TSG101: variants seen among roughly 807,000 people sequenced by gnomAD.
TSG101 encodes tumor susceptibility 101.
A neutral mutation model predicts 48.5 loss-of-function variants in TSG101; 19 were observed. The observed-to-expected ratio is 0.39, with a 90% CI of 0.27 to 0.58. The LOEUF is 0.58. TSG101 is among the 20% of genes least tolerant of loss of function. TSG101 has a pLI of 0.55. For missense variants in TSG101, 365 were observed against 484.4 expected, an observed-to-expected ratio of 0.75 and a Z score of 2.31; for synonymous variants, 174 against 169.4, an observed-to-expected ratio of 1.03 and a Z score of -0.21.
chr11:18,506,979 G>A, intron 5 of TSG101, 56 bp from the exon 6 acceptor site: 1 of 1,426,180 alleles, frequency 7.0e-7, no homozygotes, highest in South Asian at 1.2e-5. Context: ...GAATATGTAG[G>A]CTACTGAATA....
intron 7 of TSG101, chr11:18,490,857 G>T: frequency 1.9e-6 from 1 of 534,794 alleles, no homozygotes; most frequent in South Asian, 1.5e-5. Context: ...GAGTATTCAT[G>T]CCTCGTTCTG....
rs1188177161 is a variant in TSG101, at chr11:18,526,765, G to C, written c.42+10C>G. The C allele has an allele frequency of 9.4e-6, 15 of 1,600,514 alleles. No homozygotes were observed. Among genetic ancestry groups the C allele is most frequent in the Non-Finnish European group, 1.2e-5 (14 of 1,179,248 alleles). ...GCGCGCCCTGGGAGGCGAGCGCGTC[G>C]CAGCCTCACCTTGGACACCATTTTC... On this transcript the variant is annotated intron_variant, in intron 1 of 9. Coordinates refer to ENST00000251968, the MANE Select transcript of TSG101 (RefSeq NM_006292.4).
intron 7 of TSG101, among the ~76,000 whole-genome samples, chr11:18,499,960 T>C (rs1475591813): frequency 1.3e-5 from 2 of 152,188 alleles, no homozygotes; most frequent in African/African-American, 4.8e-5. Flanking sequence ...TATCTAACTG[T>C]ATGTTTGTAC....
chr11:18,514,588 C>T (rs578187330), intron 4 of TSG101, 90 bp downstream of exon 4: 6 of 1,119,884 alleles, frequency 5.4e-6, no homozygotes, highest in East Asian at 2.8e-5. Flanking sequence ...TATCCTACCT[C>T]GAATCCTCCT....
chr11:18,525,539 C>T (rs572909483), intron 1 of TSG101: 227 of 218,894 alleles, frequency 1.0e-3, no homozygotes, highest in Non-Finnish European at 1.3e-3. Flanking sequence ...GAGCAAGACT[C>T]TAAAAAAAAA....
intron 4 of TSG101, chr11:18,511,378 T>C (rs1454168787): frequency 3.3e-5 from 5 of 152,230 alleles, no homozygotes; most frequent in African/African-American, 1.2e-4. Flanking sequence ...TCATGGAAGA[T>C]GACAATTAAT....
At chr11:18,517,467 T>G (rs531327708) in intron 2 of TSG101, among the ~76,000 whole-genome samples, 1 of 152,220 alleles carries the variant, frequency 6.6e-6, no homozygotes, top group Non-Finnish European at 1.5e-5. Context: ...AGAGGAAAGG[T>G]TGTAATGTGC....
chr11:18,488,352 G>A (rs1466148137), intron 7 of TSG101, among the ~76,000 whole-genome samples: 2 of 152,178 alleles, frequency 1.3e-5, no homozygotes, highest in Non-Finnish European at 2.9e-5. Flanking sequence ...GTTAAAGGTA[G>A]AGGGGTGATA....
At position 18,487,009 on chromosome 11, in the gene TSG101, A is replaced by G. The variant is rs1291300216; in HGVS notation, c.641-2937T>C. ...TGGAAACCATCATTCTCAGCAAACT[A>G]TCACAAGGACAAAAAAACCAAACAC... On this transcript the variant is annotated intron_variant, in intron 7 of 9. Transcript: ENST00000251968. Among the ~76,000 whole-genome samples, 9 of 151,712 alleles carry G rather than the reference A, an allele frequency of 5.9e-5. No individual in the cohort carries two copies. In the South Asian group the frequency reaches 1.7e-3, roughly 28 times the overall value.
chr11:18,503,370 A>ATTTTTT (rs397848238), intron 6 of TSG101, among the ~76,000 whole-genome samples: 1 of 130,846 alleles, frequency 7.6e-6, no homozygotes, highest in African/African-American at 2.9e-5. Context: ...TTCAGGTTAA[A>ATTTTTT]TTTTTTTTTT....
chr11:18,502,759 G>A (rs779995064), intron 6 of TSG101, among the ~76,000 whole-genome samples, 182 bp from the exon 7 acceptor site: 5 of 152,210 alleles, frequency 3.3e-5, no homozygotes, highest in Non-Finnish European at 7.3e-5. Flanking sequence ...TAATGACACT[G>A]CATTTACTCT....
intron 7 of TSG101, among the ~76,000 whole-genome samples, chr11:18,488,315 CAGAT>C (rs1849649705): frequency 6.6e-6 from 1 of 152,078 alleles, no homozygotes. Context: ...GATGGACAAA[CAGAT>C]GGACTCTACA....
At chr11:18,514,394 AT>A (rs1463728642) in intron 4 of TSG101, among the ~76,000 whole-genome samples, 2 of 152,214 alleles carry the variant, frequency 1.3e-5, no homozygotes, top group African/African-American at 4.8e-5. Flanking sequence ...CCAGGATACT[AT>A]TTTTTAAAAT....
intron 7 of TSG101, among the ~76,000 whole-genome samples, chr11:18,485,606 T>C (rs535022948): frequency 5.3e-5 from 8 of 152,262 alleles, no homozygotes; most frequent in African/African-American, 1.7e-4. Context: ...ATTATTAAAA[T>C]TGTTTATAAA....
intron 4 of TSG101, among the ~76,000 whole-genome samples, chr11:18,514,467 T>C (rs970254883): frequency 3.3e-5 from 5 of 152,234 alleles, no homozygotes; most frequent in African/African-American, 7.2e-5. Flanking sequence ...CAACAAAATA[T>C]TGAATATAAG....
intron 7 of TSG101, among the ~76,000 whole-genome samples, chr11:18,495,713 T>C (rs1849764869): frequency 6.6e-6 from 1 of 151,846 alleles, no homozygotes; most frequent in East Asian, 1.9e-4. Context: ...TCCTTCATTA[T>C]TCACCGACTA....
In TSG101 at chr11:18,497,885, C is replaced by T. The variant is rs574743601; in HGVS notation, c.640+4601G>A. 6.7e-4 allele frequency among the ~76,000 whole-genome samples: 102 copies of T among 152,190 alleles called. 1 individual carries two copies. Among genetic ancestry groups the T allele is most frequent in the Non-Finnish European group, 9.1e-4 (62 of 68,004 alleles). ...GAATAGTGTGTATCAATGAGAAAAA[C>T]GGTGGAAATAACCCTTTATGGGGTG... On this transcript the variant is annotated intron_variant, in intron 7 of 9. Transcript: ENST00000251968.
chr11:18,505,165 GT>G (rs1226377642), intron 6 of TSG101, among the ~76,000 whole-genome samples: 1 of 152,016 alleles, frequency 6.6e-6, no homozygotes, highest in African/African-American at 2.4e-5. Context: ...TTATGACTGG[GT>G]TATATGAAAC....
intron 9 of TSG101, chr11:18,481,240 A>AAGTT: frequency 5.1e-6 from 5 of 972,466 alleles, no homozygotes; most frequent in Non-Finnish European, 6.1e-6. Context: ...AACTGGTCTA[A>AAGTT]AGTTATATAA....
Sources: allele counts gnomAD v4.1 joint callset (sites outside exome capture counted in the v4.1 genomes callset), GRCh38; gene constraint gnomAD v4.1.1; transcripts MANE v1.5; gene names NCBI Gene and HGNC (gene_info 2026-07-23, HGNC 2026-07-21).